GATAD1: variants seen among roughly 807,000 people sequenced by gnomAD.
GATAD1 encodes the protein GATA zinc finger domain-containing protein 1.
GATAD1 carries 12 observed loss-of-function variants against 26.5 expected under a neutral mutation model. That is an observed-to-expected ratio of 0.45 (90% confidence interval 0.29 to 0.73). The LOEUF (loss-of-function observed/expected upper bound fraction) is 0.73, where lower values mean the gene tolerates loss of function less well. GATAD1 is among the 30% of genes least tolerant of loss of function. The pLI, the probability that GATAD1 is intolerant of heterozygous loss-of-function variation, is 0.10. For synonymous variants in GATAD1, 129 were observed against 133.1 expected (o/e 0.97, Z 0.21); for missense variants, 266 against 342.1 (o/e 0.78, Z 1.75).
chr7:92,447,813 C>G lies in GATAD1; in HGVS notation c.84C>G (p.Ile28Met). ...SMWKKGAQGE[I>M]LCHHCTGRGG... The stretch of plus-strand genomic sequence containing the variant: ...GGAAGAAGGGAGCGCAGGGGGAGAT[C>G]CTCTGCCATCATTGCACTGGCCGGG... The change falls in exon 1 of 5, where the codon ATC (isoleucine) becomes ATG (methionine). Residue 28 changes from isoleucine (I) to methionine (M), a missense_variant. Ile to Met is a conservative substitution (Grantham distance 10, BLOSUM62 1). Coordinates refer to ENST00000287957, the MANE Select transcript of GATAD1 (RefSeq NM_021167.5). The G allele has an allele frequency of 6.7e-7, 1 of 1,486,552 alleles. No homozygotes were observed. Among genetic ancestry groups the G allele is most frequent in the Non-Finnish European group, 8.9e-7 (1 of 1,117,422 alleles). The allele number at this position is 1,486,552 out of a possible 1,614,324, so 92.1% of individuals were successfully genotyped here. A position where few individuals can be genotyped will look rare whatever the true frequency, so the allele number is the denominator to read the frequency against.
At chr7:92,448,280 T>C (rs1294156528) in intron 1 of GATAD1, among the ~76,000 whole-genome samples, 1 of 152,234 alleles carries the variant, frequency 6.6e-6, no homozygotes, top group African/African-American at 2.4e-5. Flanking sequence ...ACCTCATTCC[T>C]TGTTAAAGGT....
At chr7:92,450,046 G>A (rs1460366177) in intron 2 of GATAD1, 1 of 152,054 alleles carries the variant, frequency 6.6e-6, no homozygotes, top group Admixed American at 6.6e-5. Flanking sequence ...TTTAAGTATG[G>A]TATACCGTGT....
At chr7:92,478,965 G>A in the GATAD1 span, among the ~76,000 whole-genome samples, 1 of 152,078 alleles carries the variant, frequency 6.6e-6, no homozygotes, top group Non-Finnish European at 1.5e-5. Flanking sequence ...TTTTTGCGGG[G>A]TACATGAATG....
the GATAD1 span, chr7:92,472,066 C>T: frequency 2.6e-5 from 4 of 152,164 alleles, no homozygotes; most frequent in Admixed American, 2.0e-4. Context: ...AAGTTGAGGT[C>T]GGGATCAGTC....
Position 92,458,307 on chromosome 7 carries a change from A to G in GATAD1, c.*1745A>G, listed in dbSNP as rs148717683. The G allele has an allele frequency of 2.0e-4, 30 of 152,354 alleles. No individual in the cohort carries two copies. In the East Asian group the frequency reaches 5.8e-3, roughly 29 times the overall value. The allele number at this position is 152,354 out of a possible 1,614,324, so 9.4% of individuals were successfully genotyped here. ...ATAGTCAGCTTCACCAAAGCCGCAGAGGAAACATGTCGAGATCAGGCTTCC... is the reference window on the plus strand; with the variant it reads ...ATAGTCAGCTTCACCAAAGCCGCAGGGGAAACATGTCGAGATCAGGCTTCC... On this transcript the variant is annotated 3_prime_UTR_variant, in exon 5 of 5. Transcript: ENST00000287957.
rs980097859 is a variant in GATAD1 at position 92,456,349 on chromosome 7, C to T, written c.620-23C>T. 7.9e-6 allele frequency: 12 copies of T among 1,528,634 alleles called. No individual in the cohort carries two copies. In the African/African-American group the frequency reaches 1.2e-4, roughly 16 times the overall value. The allele number at this position is 1,528,634 out of a possible 1,614,324, so 94.7% of individuals were successfully genotyped here. A position where few individuals can be genotyped will look rare whatever the true frequency, so the allele number is the denominator to read the frequency against. The stretch of plus-strand genomic sequence containing the variant: ...TATATATGGTCAAAAATGTATTTAA[C>T]CTTTCCCTTGGCTGCCTTCCAGGGC... On this transcript the variant is annotated intron_variant, in intron 4 of 4. Transcript: ENST00000287957.
intron 1 of GATAD1, 48 bp downstream of exon 1, chr7:92,448,026 G>GGCGGGCGGGGACGGGCTGGCTGGGA (rs1237753772): frequency 4.4e-5 from 52 of 1,193,826 alleles, no homozygotes; most frequent in Non-Finnish European, 5.1e-5. Flanking sequence ...CCAGGTGCTA[G>GGCGGGCGGGGACGGGCTGGCTGGGA]GCGGGCGGGG....
At chr7:92,494,107 C>G in the GATAD1 span, 5 of 588,446 alleles carry the variant, frequency 8.5e-6, no homozygotes, top group South Asian at 9.8e-5. Context: ...CAGACTTGCA[C>G]TGGGCCAAAA....
chr7:92,475,236 G>C, the GATAD1 span: 1 of 152,144 alleles, frequency 6.6e-6, no homozygotes, highest in Non-Finnish European at 1.5e-5. Context: ...TAGTGTCTGA[G>C]GGTCAAATTG....
the GATAD1 span, chr7:92,492,935 C>A: frequency 1.3e-6 from 2 of 1,597,550 alleles, no homozygotes; most frequent in African/African-American, 2.7e-5. Flanking sequence ...GTCATAACAA[C>A]TTCCTCATAT....
At chr7:92,478,515 A>G in the GATAD1 span, among the ~76,000 whole-genome samples, 55 of 152,316 alleles carry the variant, frequency 3.6e-4, no homozygotes, top group Admixed American at 3.5e-3. Flanking sequence ...GGCAGTTGCA[A>G]TATGAGAGGC....
chr7:92,448,041 G>A (rs1029386661), intron 1 of GATAD1, 63 bp downstream of exon 1: 3 of 1,163,104 alleles, frequency 2.6e-6, no homozygotes, highest in African/African-American at 3.2e-5. Flanking sequence ...GCGGGGACGG[G>A]CTGGCTGGGA....
chr7:92,488,554 TGTG>T, the GATAD1 span, among the ~76,000 whole-genome samples: 1 of 152,126 alleles, frequency 6.6e-6, no homozygotes, highest in African/African-American at 2.4e-5. Flanking sequence ...GTATAACAAA[TGTG>T]GTCCACAAAT....
chr7:92,452,370 G>A (rs971616608), intron 3 of GATAD1, among the ~76,000 whole-genome samples: 5 of 152,236 alleles, frequency 3.3e-5, no homozygotes, highest in Non-Finnish European at 7.3e-5. Context: ...CAGTGCCACT[G>A]GCAGGCAGCA....
At chr7:92,468,790 C>T in the GATAD1 span, 68 of 754,068 alleles carry the variant, frequency 9.0e-5, no homozygotes, top group Admixed American at 1.6e-4. Flanking sequence ...TGAATTGGGG[C>T]GTAGTAGAGG....
chr7:92,448,987 T>C, intron 2 of GATAD1, 110 bp downstream of exon 2: 1 of 1,230,526 alleles, frequency 8.1e-7, no homozygotes, highest in Non-Finnish European at 1.2e-6. Flanking sequence ...AGCCCTTCCT[T>C]AGTATTCTGG....
At chr7:92,485,565 T>G in the GATAD1 span, among the ~76,000 whole-genome samples, 5 of 152,194 alleles carry the variant, frequency 3.3e-5, no homozygotes. Context: ...TCTCCAAGCC[T>G]TCTTCACAGG....
At chr7:92,455,111 G>A (rs554957532) in intron 4 of GATAD1, among the ~76,000 whole-genome samples, 3 of 137,222 alleles carry the variant, frequency 2.2e-5, no homozygotes, top group Admixed American at 7.0e-5. Flanking sequence ...GGAGGGTGGC[G>A]GGGGGGGATG....
At chr7:92,450,537 C>T in intron 2 of GATAD1, 164 bp from the exon 3 acceptor site, 1 of 559,246 alleles carries the variant, frequency 1.8e-6, no homozygotes, top group Non-Finnish European at 3.1e-6. Context: ...AAATAGACTG[C>T]TTTGCCACAA....
Sources: gnomAD v4.1 joint callset for allele counts (sites outside exome capture counted in the v4.1 genomes callset) on GRCh38, gnomAD v4.1.1 for gene constraint, MANE v1.5 for transcripts, NCBI Gene and HGNC (gene_info 2026-07-23, HGNC 2026-07-21) for gene names.